TUBE1: variants seen among roughly 807,000 people sequenced by gnomAD.
TUBE1 encodes tubulin epsilon 1, also known as tubulin epsilon chain.
TUBE1 carries 34 observed loss-of-function variants against 53.5 expected under a neutral mutation model. The observed-to-expected ratio is 0.64, with a 90% CI of 0.48 to 0.85. The LOEUF (loss-of-function observed/expected upper bound fraction) is 0.85, where lower values mean the gene tolerates loss of function less well. TUBE1 is among the 40% of genes least tolerant of loss of function. The pLI, the probability that TUBE1 is intolerant of heterozygous loss-of-function variation, is 0.00. For synonymous variants in TUBE1, 177 were observed against 198.4 expected (o/e 0.89, Z 0.91); for missense variants, 532 against 570.5 (o/e 0.93, Z 0.69).
intron 4 of TUBE1, among the ~76,000 whole-genome samples, chr6:112,082,208 A>G (rs900649813): frequency 1.1e-4 from 17 of 152,208 alleles, no homozygotes; most frequent in Non-Finnish European, 2.5e-4. Flanking sequence ...GCTCCTTTAT[A>G]TAGAGCAATC....
chr6:112,076,132 G>A lies in TUBE1; in HGVS notation c.637-20C>T, dbSNP rs782419502. On this transcript the variant is annotated intron_variant, in intron 7 of 11. Transcript: ENST00000368662. ...TAAAGACTTTTGAGGGAAAAACATT[G>A]GGAGAGAAGCTATTAAGAAGAGTGG... is the stretch of plus-strand genomic sequence containing the variant. 2 of 1,600,952 alleles carry A rather than the reference G, an allele frequency of 1.2e-6. No individual in the cohort carries two copies. The highest frequency in any genetic ancestry group is 1.1e-5 in the South Asian group (1 of 89,662).
intron 4 of TUBE1, among the ~76,000 whole-genome samples, chr6:112,083,378 C>T (rs1471000647): frequency 2.0e-5 from 3 of 147,906 alleles, no homozygotes; most frequent in East Asian, 2.0e-4. Flanking sequence ...GATGCAGTGG[C>T]GCGATCTCGG....
chr6:112,087,386 C>T (rs372441271), intron 1 of TUBE1, 24 bp downstream of exon 1: 1 of 1,551,466 alleles, frequency 6.4e-7, no homozygotes, highest in South Asian at 1.2e-5. Flanking sequence ...GCGACCAGGT[C>T]TCTACCCGCC....
In TUBE1 at chr6:112,086,610, TA is replaced by T. The variant is rs1562607079; in HGVS notation, c.100-3del. 1 of 1,606,496 alleles carries T rather than the reference TA, an allele frequency of 6.2e-7. No homozygotes were observed. The highest frequency in any genetic ancestry group is 8.5e-7 in the Non-Finnish European group (1 of 1,174,020). On this transcript the variant is annotated splice_polypyrimidine_tract_variant and splice_region_variant and intron_variant, in intron 2 of 11. Transcript: ENST00000368662. ...TATTGCCTCATCATAAATTCCTTTC[TA>T]AAAAGAAAAACATATGTTAATAGCA...
Position 112,071,415 on chromosome 6 carries a change from C to T in TUBE1, c.1425G>A (p.Met475Ile), listed in dbSNP as rs1554315290. Residue 475 changes from methionine (M) to isoleucine (I), a missense_variant, in exon 12 of 12, where the codon ATG becomes ATA. Met to Ile is a conservative substitution (Grantham distance 10, BLOSUM62 1). Transcript: ENST00000368662. ...AGTATTTTTGAGGGTTTCTTTTTCA[C>T]ATAGCTATGCTTAGTCTGGGTAAAT... ...VQDLPRLSIA[M>I] is the part of the protein sequence containing the mutation. 6.6e-7 allele frequency: 1 copy of T among 1,512,292 alleles called. No individual in the cohort carries two copies. Among genetic ancestry groups the T allele is most frequent in the South Asian group, 1.4e-5 (1 of 70,418 alleles). 93.7% of individuals were successfully genotyped at this position (1,512,292 alleles called of 1,614,324 possible).
At chr6:112,086,667 T>C in intron 2 of TUBE1, 59 bp from the exon 3 acceptor site, 1 of 1,172,062 alleles carries the variant, frequency 8.5e-7, no homozygotes, top group Non-Finnish European at 1.3e-6. Flanking sequence ...CAAATCAAGT[T>C]CTTTCAATTT....
At chr6:112,082,359 T>C (rs1475415735) in intron 4 of TUBE1, among the ~76,000 whole-genome samples, 4 of 152,158 alleles carry the variant, frequency 2.6e-5, no homozygotes, top group Admixed American at 6.5e-5. Context: ...GAGACTTCAC[T>C]GTATGGGCAA....
At chr6:112,081,024 T>C (rs1479128585) in intron 5 of TUBE1, 68 bp downstream of exon 5, 2 of 986,550 alleles carry the variant, frequency 2.0e-6, no homozygotes, top group Non-Finnish European at 3.1e-6. Context: ...ATCAGCAGAA[T>C]CTCACAATGA....
chr6:112,087,348 G>A, intron 1 of TUBE1, 42 bp from the exon 2 acceptor site: 2 of 1,551,512 alleles, frequency 1.3e-6, no homozygotes, highest in Non-Finnish European at 1.7e-6. Flanking sequence ...AGGACATTAA[G>A]CAGGAAACAT....
At chr6:112,080,791 A>G (rs114538345) in intron 5 of TUBE1, among the ~76,000 whole-genome samples, 1 of 152,228 alleles carries the variant, frequency 6.6e-6, no homozygotes, top group African/African-American at 2.4e-5. Flanking sequence ...GTCAAATAAC[A>G]TAGATAACAG....
intron 5 of TUBE1, among the ~76,000 whole-genome samples, chr6:112,080,030 C>A (rs182021093): frequency 6.6e-6 from 1 of 152,004 alleles, no homozygotes; most frequent in East Asian, 1.9e-4. Context: ...TTCATCTTAA[C>A]CTTCTCTTAA....
chr6:112,082,144 TA>T (rs1777081388), intron 4 of TUBE1, among the ~76,000 whole-genome samples: 1 of 152,124 alleles, frequency 6.6e-6, no homozygotes, highest in Non-Finnish European at 1.5e-5. Flanking sequence ...ATATTACAAT[TA>T]AAATAATACA....
At chr6:112,076,886 A>C (rs1554316169) in intron 6 of TUBE1, 1 of 154,710 alleles carries the variant, frequency 6.5e-6, no homozygotes, top group East Asian at 1.9e-4. Flanking sequence ...TATTTGTAAA[A>C]ATAATTTTCA....
intron 6 of TUBE1, 117 bp from the exon 7 acceptor site, chr6:112,076,626 C>T (rs1351454567): frequency 1.2e-5 from 10 of 863,764 alleles, no homozygotes; most frequent in Non-Finnish European, 1.7e-5. Context: ...GGCTGGAGTG[C>T]AGCAGCATAA....
chr6:112,087,143 G>A (rs1447022971), intron 2 of TUBE1, 90 bp downstream of exon 2: 1 of 1,147,096 alleles, frequency 8.7e-7, no homozygotes, highest in South Asian at 1.4e-5. Flanking sequence ...TCTTAAACGG[G>A]TCAGATGAAA....
Position 112,074,852 on chromosome 6 carries a change from TA to T in TUBE1, c.813-3del. 1 of 1,563,874 alleles carries T rather than the reference TA, an allele frequency of 6.4e-7. No homozygotes were observed. Among genetic ancestry groups the T allele is most frequent in the South Asian group, 1.2e-5 (1 of 82,778 alleles). On this transcript the variant is annotated splice_region_variant and splice_polypyrimidine_tract_variant and intron_variant, in intron 8 of 11. Transcript: ENST00000368662. ...AGGGACCCTTCAAATCTTGCAGAGC[TA>T]AAAAGTTAACATTAAAATGAGAAAA...
At chr6:112,086,679 A>G in intron 2 of TUBE1, 71 bp from the exon 3 acceptor site, 1 of 997,266 alleles carries the variant, frequency 1.0e-6, no homozygotes, top group South Asian at 1.4e-5. Flanking sequence ...TTTCAATTTT[A>G]ATTACATAAT....
rs1554317474 is a variant in TUBE1 at position 112,087,230 on chromosome 6, T to G, written c.99+3A>C. On this transcript the variant is annotated splice_donor_region_variant and intron_variant, in intron 2 of 11. Coordinates refer to ENST00000368662, the MANE Select transcript of TUBE1 (RefSeq NM_016262.5). ...GAGGGGGCTCGCGGCGGCGGGCGGG[T>G]ACCTGGTTGACCGCGGCGTGCTCCC... 1.9e-6 allele frequency: 3 copies of G among 1,548,382 alleles called. No homozygotes were observed. The highest frequency in any genetic ancestry group is 2.0e-5 in the Admixed American group (1 of 50,892).
At chr6:112,073,321 T>A (rs1002808664) in intron 9 of TUBE1, among the ~76,000 whole-genome samples, 1 of 152,192 alleles carries the variant, frequency 6.6e-6, no homozygotes, top group Non-Finnish European at 1.5e-5. Context: ...TTGTAAAGTA[T>A]ATTATATCAT....
Sources: allele counts gnomAD v4.1 joint callset (sites outside exome capture counted in the v4.1 genomes callset), GRCh38; gene constraint gnomAD v4.1.1; transcripts MANE v1.5; gene names NCBI Gene and HGNC (gene_info 2026-07-23, HGNC 2026-07-21).